CDYL2: variants seen among roughly 807,000 people sequenced by gnomAD.
CDYL2 encodes the protein chromodomain Y like 2, also known as chromodomain Y-like protein 2.
In CDYL2, 23 loss-of-function variants were observed where a neutral mutation model predicts 49.4. The observed-to-expected ratio is 0.47, with a 90% CI of 0.34 to 0.66. The LOEUF (loss-of-function observed/expected upper bound fraction) is 0.66, where lower values mean the gene tolerates loss of function less well. CDYL2 is among the 30% of genes least tolerant of loss of function. The pLI is 0.01. For synonymous variants in CDYL2, 360 were observed against 268.8 expected (o/e 1.34, Z -3.32); for missense variants, 678 against 656.4 (o/e 1.03, Z -0.36).
At chr16:80,621,150 G>T (rs1002041701) in intron 3 of CDYL2, among the ~76,000 whole-genome samples, 1 of 152,234 alleles carries the variant, frequency 6.6e-6, no homozygotes, top group African/African-American at 2.4e-5. Flanking sequence ...ACCATCCCCG[G>T]AGAAGGCAGA....
chr16:80,611,511 C>G (rs1906594770), intron 5 of CDYL2, among the ~76,000 whole-genome samples: 1 of 152,172 alleles, frequency 6.6e-6, no homozygotes, highest in Non-Finnish European at 1.5e-5. Context: ...CCAACGCCTA[C>G]TCGGACCAGC....
chr16:80,706,982 C>A (rs1216320691), intron 1 of CDYL2, among the ~76,000 whole-genome samples: 4 of 152,130 alleles, frequency 2.6e-5, no homozygotes, highest in African/African-American at 9.7e-5. Context: ...ATTTTCCACC[C>A]ATGTTCTGGG....
chr16:80,665,967 G>A (rs1027463609), intron 2 of CDYL2, among the ~76,000 whole-genome samples: 1 of 152,144 alleles, frequency 6.6e-6, no homozygotes, highest in African/African-American at 2.4e-5. Context: ...ATGAAAAAAC[G>A]ACAGGGCAGG....
chr16:80,605,957 C>G (rs113489969), intron 6 of CDYL2, among the ~76,000 whole-genome samples: 50 of 152,358 alleles, frequency 3.3e-4, no homozygotes, highest in Middle Eastern at 3.4e-3. Context: ...AGCAGGAAAA[C>G]CTGGTCTGGC....
intron 2 of CDYL2, among the ~76,000 whole-genome samples, chr16:80,651,818 G>A (rs1869191): frequency 0.022 from 3,291 of 152,222 alleles, 80 homozygotes; most frequent in African/African-American, 0.054. Flanking sequence ...TTCCCATGGC[G>A]GTAGGGGCTA....
intron 1 of CDYL2, among the ~76,000 whole-genome samples, chr16:80,722,992 C>A (rs1397657661): frequency 6.6e-6 from 1 of 152,210 alleles, no homozygotes; most frequent in Non-Finnish European, 1.5e-5. Context: ...AAGGAGAAGA[C>A]ATAGAGGGGC....
intron 5 of CDYL2, among the ~76,000 whole-genome samples, chr16:80,608,916 C>A (rs1906465417): frequency 6.6e-6 from 1 of 152,158 alleles, no homozygotes; most frequent in South Asian, 2.1e-4. Context: ...CCATTAAGCT[C>A]CTTTTTTAAA....
chr16:80,774,024 T>A (rs1906997047), intron 1 of CDYL2, among the ~76,000 whole-genome samples: 1 of 152,192 alleles, frequency 6.6e-6, no homozygotes. Context: ...GGCAGCGTTC[T>A]ATAAGGTGAA....
At chr16:80,758,151 T>C (rs1398627925) in intron 1 of CDYL2, among the ~76,000 whole-genome samples, 3 of 152,194 alleles carry the variant, frequency 2.0e-5, no homozygotes, top group Non-Finnish European at 2.9e-5. Flanking sequence ...TGAGATTTCA[T>C]ATAAATGGGA....
intron 3 of CDYL2, among the ~76,000 whole-genome samples, chr16:80,626,224 C>T (rs2142382629): frequency 6.9e-6 from 1 of 144,092 alleles, no homozygotes; most frequent in South Asian, 2.2e-4. Context: ...TTGCAGTGAA[C>T]CGAGATCGTA....
intron 1 of CDYL2, among the ~76,000 whole-genome samples, chr16:80,726,022 G>C (rs1185236974): frequency 2.0e-5 from 3 of 152,156 alleles, no homozygotes; most frequent in Non-Finnish European, 4.4e-5. Context: ...CCTCCATTAT[G>C]TATGTCTGAG....
intron 1 of CDYL2, among the ~76,000 whole-genome samples, chr16:80,723,435 T>C (rs1905063120): frequency 6.6e-6 from 1 of 152,178 alleles, no homozygotes; most frequent in African/African-American, 2.4e-5. Context: ...TGTTTCTAAG[T>C]AAGAACACTA....
intron 1 of CDYL2, among the ~76,000 whole-genome samples, chr16:80,782,267 CACAA>C (rs1907293606): frequency 3.3e-5 from 5 of 151,688 alleles, no homozygotes; most frequent in South Asian, 2.1e-4. Flanking sequence ...AAATGGGAAA[CACAA>C]ACAAGCAAAA....
chr16:80,679,054 C>G (rs865999201), intron 2 of CDYL2, among the ~76,000 whole-genome samples: 5 of 137,110 alleles, frequency 3.6e-5, no homozygotes, highest in Admixed American at 1.7e-4. Context: ...TAGGTGGGAA[C>G]TGAACAATGA....
chr16:80,685,023 T>C lies in CDYL2; in HGVS notation c.131A>G (p.His44Arg). Residue 44 changes from histidine (H) to arginine (R), a missense_variant, in exon 2 of 7, where the codon CAC (histidine) becomes CGC (arginine). His to Arg is a conservative substitution (Grantham distance 29, BLOSUM62 0). Around this residue, in one of 3 missense-constraint regions of CDYL2, gnomAD observed 478 missense variants for 427.0 expected, o/e 1.12. Transcript: ENST00000570137. ...AATAAACTCCTCACAGTGCAAGAGGTGGTGCTCCGGCTCCCACGTGTCCTC... is the reference window on the plus strand; with the variant it reads ...AATAAACTCCTCACAGTGCAAGAGGCGGTGCTCCGGCTCCCACGTGTCCTC... ...STEDTWEPEH[H>R]LLHCEEFIDE... 6.2e-7 allele frequency: 1 copy of C among 1,614,118 alleles called. No individual in the cohort carries two copies. Among genetic ancestry groups the C allele is most frequent in the Non-Finnish European group, 8.5e-7 (1 of 1,180,018 alleles).
chr16:80,730,601 A>G (rs1188695277), intron 1 of CDYL2, among the ~76,000 whole-genome samples: 2 of 152,114 alleles, frequency 1.3e-5, no homozygotes, highest in African/African-American at 4.8e-5. Flanking sequence ...AACTCATTTT[A>G]TGAGGCCAGC....
intron 1 of CDYL2, among the ~76,000 whole-genome samples, chr16:80,757,445 G>A (rs1906349397): frequency 6.6e-6 from 1 of 151,414 alleles, no homozygotes; most frequent in Admixed American, 6.6e-5. Context: ...GAGGCTGAGA[G>A]GGGAGGCTTG....
chr16:80,718,215 T>C (rs1181372923), intron 1 of CDYL2, among the ~76,000 whole-genome samples: 1 of 152,230 alleles, frequency 6.6e-6, no homozygotes, highest in Non-Finnish European at 1.5e-5. Context: ...GAGTTTTGTT[T>C]TGTCTTCACA....
Position 80,716,740 on chromosome 16 carries a change from C to T in CDYL2, c.25-31611G>A, listed in dbSNP as rs7201943. Among the ~76,000 whole-genome samples, 735 of 149,430 alleles carry T rather than the reference C, an allele frequency of 4.9e-3. 8 individuals carry two copies. Among genetic ancestry groups the T allele is most frequent in the African/African-American group, 0.017 (699 of 40,500 alleles). On this transcript the variant is annotated intron_variant, in intron 1 of 6. Transcript: ENST00000570137. ...AGTGATGGATGGATAATGGATGGAT[C>T]GATGGATGGATGATAGATGGATGAC...
Sources: allele counts gnomAD v4.1 joint callset (sites outside exome capture counted in the v4.1 genomes callset), GRCh38; gene constraint gnomAD v4.1.1; regional missense constraint gnomAD v4.1.1; transcripts MANE v1.5; gene names NCBI Gene and HGNC (gene_info 2026-07-23, HGNC 2026-07-21).